Variants in FBN3 observed in about 807,000 individuals in gnomAD.
FBN3 encodes fibrillin-3.
A neutral mutation model predicts 330.1 loss-of-function variants in FBN3; 234 were observed. That is an observed-to-expected ratio of 0.71 (90% CI 0.64 to 0.79). The LOEUF (loss-of-function observed/expected upper bound fraction) is 0.79. Ranked by LOEUF, FBN3 falls within the 30% of genes least tolerant of loss-of-function variation. FBN3 has a pLI of 0.00. For missense variants in FBN3, 3,606 were observed against 3,886.9 expected (o/e 0.93, Z 1.92); for synonymous variants, 1,458 against 1,517.3 (o/e 0.96, Z 0.91).
chr19:8,091,644 G>C, intron 47 of FBN3, 54 bp from the exon 48 acceptor site: 4 of 1,596,938 alleles, frequency 2.5e-6, no homozygotes, highest in Non-Finnish European at 3.4e-6. Flanking sequence ...CTCCATCAGT[G>C]GGGAGAGGAC....
At chr19:8,128,548 G>T (rs1320004291) in intron 18 of FBN3, among the ~76,000 whole-genome samples, 1 of 149,192 alleles carries the variant, frequency 6.7e-6, no homozygotes, top group African/African-American at 2.5e-5. Flanking sequence ...GGGTGATAGA[G>T]CAAGACTCTG....
intron 57 of FBN3, among the ~76,000 whole-genome samples, chr19:8,082,805 TTC>T (rs1434711290): frequency 1.3e-5 from 2 of 151,706 alleles, no homozygotes. Context: ...GTTTTTTTTT[TTC>T]TTTCTTTCTT....
Position 8,123,471 on chromosome 19 carries a change from G to A in FBN3, c.3075C>T (p.Asn1025=), listed in dbSNP as rs2082902690. 1 of 1,613,762 alleles carries A rather than the reference G, an allele frequency of 6.2e-7. No homozygotes were observed. The highest frequency in any genetic ancestry group is 8.5e-7 in the Non-Finnish European group (1 of 1,179,860). Residue 1025 remains asparagine (N), a synonymous_variant, in exon 24 of 64, where the codon AAC becomes AAT. Transcript: ENST00000600128. ...GGCAGAGGTGGCACCTACCTGTGCA[G>A]TTCCGTTCCTGGGCATCCAGGGCGA... ...GGFALDAQER[N]CTDIDECRIS...
rs200548065 is a variant in FBN3, at chr19:8,125,873, G to A, written c.2731+19C>T. On this transcript the variant is annotated intron_variant, in intron 22 of 63. Transcript: ENST00000600128. ...AGGAAGAACGTGTGGCCCTGTATGC[G>A]GACCTCGCCTGGACTCACCCACGCA... is the stretch of plus-strand genomic sequence containing the variant. 6.0e-5 allele frequency: 95 copies of A among 1,595,024 alleles called. No homozygotes were observed. Among genetic ancestry groups the A allele is most frequent in the South Asian group, 3.4e-4 (30 of 88,630 alleles).
At position 8,115,581 on chromosome 19, in the gene FBN3, T is replaced by C. The variant is rs1417857182; in HGVS notation, c.3772A>G (p.Lys1258Glu). The C allele has an allele frequency of 9.9e-6, 16 of 1,613,928 alleles. No homozygotes were observed. Among genetic ancestry groups the C allele is most frequent in the Non-Finnish European group, 1.4e-5 (16 of 1,180,012 alleles). Residue 1258 changes from lysine to glutamate, a missense_variant, in exon 30 of 64, where the codon AAG becomes GAG. Coordinates refer to ENST00000600128, the MANE Select transcript of FBN3 (RefSeq NM_032447.5). Reference sequence around the variant, plus strand: ...TGACAGTGGCAGACAAAGGAACCCTTCGTGTTCTCGCAGTCCCCATGGAGG... The same window carrying C: ...TGACAGTGGCAGACAAAGGAACCCTCCGTGTTCTCGCAGTCCCCATGGAGG... ...ICLHGDCENT[K>E]GSFVCHCQLG... is the part of the protein sequence containing the mutation.
chr19:8,117,510 G>A lies in FBN3; in HGVS notation c.3417C>T (p.Ser1139=), dbSNP rs1171654908. The stretch of plus-strand genomic sequence containing the variant: ...GTGTGCTCTGGAAGCCGGCATGGCA[G>A]GAGCACTGGAAGGCACCGATGACAT... ...CVNVIGAFQC[S]CHAGFQSTPD... The change falls in exon 27 of 64, where the codon TCC becomes TCT. Residue 1139 remains serine, a synonymous_variant. Transcript: ENST00000600128. 6.4e-7 allele frequency: 1 copy of A among 1,559,614 alleles called. No homozygotes were observed. The highest frequency in any genetic ancestry group is 1.2e-5 in the South Asian group (1 of 84,476).
chr19:8,144,817 G>A, intron 6 of FBN3, 60 bp downstream of exon 6: 2 of 1,395,136 alleles, frequency 1.4e-6, no homozygotes, highest in Non-Finnish European at 2.0e-6. Context: ...GGGACTTCCA[G>A]GAAACCCCCT....
In FBN3 at chr19:8,109,195, T is replaced by C. The variant is rs776648559; in HGVS notation, c.4618+32A>G. On this transcript the variant is annotated intron_variant, in intron 36 of 63. Coordinates refer to ENST00000600128, the MANE Select transcript of FBN3 (RefSeq NM_032447.5). The surrounding 1 kb of genome is among the most constrained non-coding windows in gnomAD (Gnocchi z 5.2). The stretch of plus-strand genomic sequence containing the variant: ...AGCTCCCGGGCCTCGGTGGCTTAGG[T>C]CACGGTGTTCAACTGCCCCGCAGGG... 6.9e-6 allele frequency: 11 copies of C among 1,605,214 alleles called. No homozygotes were observed. The highest frequency in any genetic ancestry group is 9.4e-6 in the Non-Finnish European group (11 of 1,173,620).
chr19:8,083,903 C>T (rs868531013), intron 56 of FBN3, among the ~76,000 whole-genome samples: 11 of 151,256 alleles, frequency 7.3e-5, no homozygotes, highest in Admixed American at 2.0e-4. Flanking sequence ...CCCGGGTTCA[C>T]GCCATTCTCC....
chr19:8,111,464 G>A (rs1403907326), intron 32 of FBN3, among the ~76,000 whole-genome samples, 184 bp downstream of exon 32: 1 of 152,084 alleles, frequency 6.6e-6, no homozygotes, highest in Non-Finnish European at 1.5e-5. Flanking sequence ...GCACTTAAGT[G>A]TTCAAGGGAG....
intron 11 of FBN3, 22 bp downstream of exon 11, chr19:8,136,366 C>G (rs74793033): frequency 0.099 from 159,122 of 1,609,906 alleles, 8,339 homozygotes; most frequent in Non-Finnish European, 0.11. Flanking sequence ...ACCGCCCCCC[C>G]TTCCACCTGG....
rs1182291073 is a variant in FBN3 at position 8,087,958 on chromosome 19, C to A, written c.6497-11G>T. ...AGCATTCGTCGATGTCTGGGGAGGCCAGTGGAGGTGCCAGCTGGGTAGGGA... is the reference window on the plus strand; with the variant it reads ...AGCATTCGTCGATGTCTGGGGAGGCAAGTGGAGGTGCCAGCTGGGTAGGGA... On this transcript the variant is annotated splice_polypyrimidine_tract_variant and intron_variant, in intron 52 of 63. Coordinates refer to ENST00000600128, the MANE Select transcript of FBN3 (RefSeq NM_032447.5). The A allele has an allele frequency of 6.2e-7, 1 of 1,614,098 alleles. No individual in the cohort carries two copies. The highest frequency in any genetic ancestry group is 1.7e-5 in the Admixed American group (1 of 60,016).
At chr19:8,112,708 T>C (rs993636371) in intron 30 of FBN3, among the ~76,000 whole-genome samples, 3 of 152,170 alleles carry the variant, frequency 2.0e-5, no homozygotes, top group Non-Finnish European at 4.4e-5. Context: ...ACGCCCCTTT[T>C]CCAAGCCAGG....
Position 8,142,050 on chromosome 19 carries a change from CA to C in FBN3, c.628del (p.Cys210AlafsTer196). 1 of 1,614,156 alleles carries C rather than the reference CA, an allele frequency of 6.2e-7. No individual in the cohort carries two copies. Among genetic ancestry groups the C allele is most frequent in the Non-Finnish European group, 8.5e-7 (1 of 1,180,014 alleles). Reference sequence around the variant, plus strand: ...CCAGGCACGGCCCACAGTGGCACAGCAAAGTGCCTTGGTGCACACGAGGCCC... The same window carrying C: ...CCAGGCACGGCCCACAGTGGCACAGCAAGTGCCTTGGTGCACACGAGGCCC... ...LTGLVCTKALCCATVGRAWGL... is the reference protein window; with the variant it reads ...LTGLVCTKALXCATVGRAWGL... On this transcript the variant is annotated frameshift_variant, in exon 7 of 64. Coordinates refer to ENST00000600128, the MANE Select transcript of FBN3 (RefSeq NM_032447.5). LOFTEE classifies it high-confidence loss of function.
chr19:8,135,936 G>GGGGGGGGGGGGGGGGGGGCC, intron 13 of FBN3, 25 bp downstream of exon 13: 53 of 668,754 alleles, frequency 7.9e-5, no homozygotes, highest in Non-Finnish European at 1.2e-4. Flanking sequence ...GGAAGCCCCT[G>GGGGGGGGGGGGGGGGGGGCC]CCCACCCGCC....
intron 32 of FBN3, among the ~76,000 whole-genome samples, 180 bp downstream of exon 32, chr19:8,111,468 A>C (rs2082580469): frequency 6.6e-6 from 1 of 152,008 alleles, no homozygotes; most frequent in African/African-American, 2.4e-5. Context: ...TTAAGTGTTC[A>C]AGGGAGCCGT....
Position 8,144,935 on chromosome 19 carries a change from GCAGCGA to G in FBN3, c.477_482del (p.Arg160_Cys161del). ...CACAGGCGCAGCGGTTGGGCCCAAT[GCAGCGA>G]CCCCCATTGTGGCAGCCGCGGTCAC... On this transcript the variant is annotated inframe_deletion, in exon 6 of 64. Coordinates refer to ENST00000600128, the MANE Select transcript of FBN3 (RefSeq NM_032447.5). 3 of 1,612,566 alleles carry G rather than the reference GCAGCGA, an allele frequency of 1.9e-6. No homozygotes were observed. The highest frequency in any genetic ancestry group is 2.5e-6 in the Non-Finnish European group (3 of 1,179,740).
intron 63 of FBN3, among the ~76,000 whole-genome samples, chr19:8,067,856 A>G (rs943635204): frequency 6.6e-6 from 1 of 152,150 alleles, no homozygotes; most frequent in African/African-American, 2.4e-5. Flanking sequence ...TGAGCCCAGG[A>G]GTTCGAGACC....
At chr19:8,066,600 G>C (rs1161947008) in intron 63 of FBN3, among the ~76,000 whole-genome samples, 3 of 152,190 alleles carry the variant, frequency 2.0e-5, no homozygotes, top group Non-Finnish European at 4.4e-5. Flanking sequence ...GAGTTGGGAG[G>C]CCGGGCGCAG....
Sources: gnomAD v4.1 joint callset for allele counts (sites outside exome capture counted in the v4.1 genomes callset) on GRCh38, gnomAD v4.1.1 for gene constraint, Gnocchi (gnomAD v3.1) non-coding constraint, MANE v1.5 for transcripts, NCBI Gene and HGNC (gene_info 2026-07-23, HGNC 2026-07-21) for gene names.